The following BCL2L1 variants were observed in gnomAD, a reference collection of about 807,000 sequenced individuals.
BCL2L1 encodes the protein bcl-2-like protein 1.
Under a neutral mutation model 18.7 loss-of-function variants are expected in BCL2L1, and 1 was observed. The observed-to-expected ratio is 0.05, with a 90% CI of 0.02 to 0.25. BCL2L1 has a LOEUF of 0.25. Among genes scored for constraint, BCL2L1 ranks in the 10% least tolerant of loss-of-function variants. BCL2L1 has a pLI of 1.00. For synonymous variants in BCL2L1, 103 were observed against 122.7 expected (o/e 0.84, Z 1.06); for missense variants, 207 against 304.9 (o/e 0.68, Z 2.39).
chr20:31,688,137 G>A (rs1363307793), intron 2 of BCL2L1, among the ~76,000 whole-genome samples: 1 of 152,038 alleles, frequency 6.6e-6, no homozygotes, highest in South Asian at 2.1e-4. Flanking sequence ...CCAGGTACAG[G>A]AAGGCACTCA....
chr20:31,711,347 A>G (rs2061451040), intron 2 of BCL2L1, among the ~76,000 whole-genome samples: 1 of 152,212 alleles, frequency 6.6e-6, no homozygotes, highest in South Asian at 2.1e-4. Flanking sequence ...GTGAGGCCAG[A>G]GTTTTGTCTG....
At chr20:31,679,066 A>G (rs1284116236) in intron 2 of BCL2L1, among the ~76,000 whole-genome samples, 1 of 152,222 alleles carries the variant, frequency 6.6e-6, no homozygotes, top group African/African-American at 2.4e-5. Flanking sequence ...AGCATCCAAC[A>G]TTGATCTGCA....
chr20:31,669,528 C>T (rs2060635204), intron 2 of BCL2L1, among the ~76,000 whole-genome samples: 1 of 151,144 alleles, frequency 6.6e-6, no homozygotes, highest in African/African-American at 2.4e-5. Context: ...TCTTGGCTCA[C>T]TGCAACCTCC....
At chr20:31,699,468 G>A (rs2061242061) in intron 2 of BCL2L1, among the ~76,000 whole-genome samples, 2 of 152,230 alleles carry the variant, frequency 1.3e-5, no homozygotes. Flanking sequence ...AAGGCCTACA[G>A]TAACCCCAGG....
At position 31,665,652 on chromosome 20, in the gene BCL2L1, G is replaced by A. The variant is rs2060575420; in HGVS notation, c.*297C>T. ...AAGGGGTAAGGGTTGCACCAATCAGGTAGGGCCCTCCTGCCCCCAGCCACA... is the reference window on the plus strand; with the variant it reads ...AAGGGGTAAGGGTTGCACCAATCAGATAGGGCCCTCCTGCCCCCAGCCACA... On this transcript the variant is annotated 3_prime_UTR_variant, in exon 3 of 3. Coordinates refer to ENST00000307677, the MANE Select transcript of BCL2L1 (RefSeq NM_138578.3). 2.2e-6 allele frequency: 1 copy of A among 458,878 alleles called. No homozygotes were observed. Among genetic ancestry groups the A allele is most frequent in the Admixed American group, 3.8e-5 (1 of 26,564 alleles). 28.4% of individuals were successfully genotyped at this position (458,878 alleles called of 1,614,324 possible). A position where few individuals can be genotyped will look rare whatever the true frequency, so the allele number is the denominator to read the frequency against.
chr20:31,690,327 G>T (rs2122615112), intron 2 of BCL2L1, among the ~76,000 whole-genome samples: 1 of 152,152 alleles, frequency 6.6e-6, no homozygotes, highest in East Asian at 1.9e-4. Flanking sequence ...CTGGGCTCAA[G>T]CCATCCTTCC....
intron 2 of BCL2L1, among the ~76,000 whole-genome samples, chr20:31,674,874 CAAAAA>C (rs11372425): frequency 1.3e-5 from 1 of 74,734 alleles, no homozygotes; most frequent in Non-Finnish European, 2.9e-5. Flanking sequence ...GACCCCGTCT[CAAAAA>C]AAAAAAAAAA....
chr20:31,715,075 C>A (rs1353942146), intron 2 of BCL2L1, among the ~76,000 whole-genome samples: 1 of 152,020 alleles, frequency 6.6e-6, no homozygotes, highest in East Asian at 1.9e-4. Context: ...GAGATCGAGA[C>A]CATCCTGACT....
At chr20:31,687,668 C>A (rs2060983476) in intron 2 of BCL2L1, among the ~76,000 whole-genome samples, 1 of 131,776 alleles carries the variant, frequency 7.6e-6, no homozygotes, top group Admixed American at 7.6e-5. Context: ...CAGAAAGAGA[C>A]TCTGTCTCAA....
At chr20:31,720,963 G>C in intron 2 of BCL2L1, 3 of 985,406 alleles carry the variant, frequency 3.0e-6, no homozygotes, top group Non-Finnish European at 3.6e-6. Flanking sequence ...GTGTGACACA[G>C]CAAGTGCTCC....
At chr20:31,718,716 C>T (rs2061577893) in intron 2 of BCL2L1, among the ~76,000 whole-genome samples, 1 of 152,090 alleles carries the variant, frequency 6.6e-6, no homozygotes, top group South Asian at 2.1e-4. Flanking sequence ...ACCCTGATGC[C>T]CACTTGAAAC....
Position 31,665,881 on chromosome 20 carries a change from C to T in BCL2L1, c.*68G>A, listed in dbSNP as rs980839387. 34 of 1,573,350 alleles carry T rather than the reference C, an allele frequency of 2.2e-5. No individual in the cohort carries two copies. The highest frequency in any genetic ancestry group is 2.3e-4 in the Middle Eastern group (1 of 4,398). ...GTAGTGGTTCTCCTGGTGGCAATGG[C>T]GGCTGGACGGAGGATGTGGTGGAGC... On this transcript the variant is annotated 3_prime_UTR_variant, in exon 3 of 3. Transcript: ENST00000307677.
At chr20:31,723,431 T>C (rs2061668384), upstream of BCL2L1, 3 of 985,302 alleles carry the variant, frequency 3.0e-6, no homozygotes, top group South Asian at 1.4e-4. Flanking sequence ...AAAGTGGCTT[T>C]CTGGCGCCCC....
intron 2 of BCL2L1, among the ~76,000 whole-genome samples, chr20:31,689,180 C>T (rs1245061805): frequency 7.5e-6 from 1 of 133,280 alleles, no homozygotes; most frequent in Non-Finnish European, 1.6e-5. Flanking sequence ...GAGTTCAGGA[C>T]TAGCCTGGGC....
At position 31,715,115 on chromosome 20, in the gene BCL2L1, A is replaced by G. The variant is rs2061509790; in HGVS notation, c.564+6540T>C. Reference sequence around the variant, plus strand: ...TGGTGAAACCCCGTCTACTAAAAATACCAAAAATTAGCCGGGTGTGGTGGC... The same window carrying G: ...TGGTGAAACCCCGTCTACTAAAAATGCCAAAAATTAGCCGGGTGTGGTGGC... On this transcript the variant is annotated intron_variant, in intron 2 of 2. Transcript: ENST00000307677. 2.6e-5 allele frequency among the ~76,000 whole-genome samples: 4 copies of G among 152,162 alleles called. No homozygotes were observed. In the South Asian group the frequency reaches 8.3e-4, roughly 32 times the overall value.
chr20:31,691,565 T>TAAAATAAAATAAAATAAAAC (rs1189813912), intron 2 of BCL2L1, among the ~76,000 whole-genome samples: 1 of 143,636 alleles, frequency 7.0e-6, no homozygotes, highest in African/African-American at 2.7e-5. Context: ...TAAAATAAAA[T>TAAAATAAAATAAAATAAAAC]AAACAGGCTG....
At chr20:31,676,746 A>G (rs778255832) in intron 2 of BCL2L1, among the ~76,000 whole-genome samples, 9 of 152,208 alleles carry the variant, frequency 5.9e-5, no homozygotes, top group Non-Finnish European at 1.3e-4. Flanking sequence ...GGAGTGCTGA[A>G]GTCCCACAGT....
At chr20:31,683,071 G>A (rs2060890747) in intron 2 of BCL2L1, among the ~76,000 whole-genome samples, 2 of 152,182 alleles carry the variant, frequency 1.3e-5, no homozygotes, top group African/African-American at 4.8e-5. Context: ...GGCAGCCAGA[G>A]GGGTCAGCAA....
intron 2 of BCL2L1, among the ~76,000 whole-genome samples, chr20:31,679,648 G>A (rs1194676631): frequency 6.6e-6 from 1 of 152,196 alleles, no homozygotes; most frequent in Non-Finnish European, 1.5e-5. Flanking sequence ...TGCTGCTGCT[G>A]CTGTTGTTAT....
Sources: gnomAD v4.1 joint callset for allele counts (sites outside exome capture counted in the v4.1 genomes callset) on GRCh38, gnomAD v4.1.1 for gene constraint, MANE v1.5 for transcripts, NCBI Gene and HGNC (gene_info 2026-07-23, HGNC 2026-07-21) for gene names.